Variants in DCBLD1 observed in about 807,000 individuals in gnomAD.
DCBLD1 encodes discoidin, CUB and LCCL domain containing 1.
In DCBLD1, 57 loss-of-function variants were observed where a neutral mutation model predicts 71.5. The observed-to-expected ratio is 0.80, with a 90% CI of 0.64 to 0.99. DCBLD1 has a LOEUF of 0.99. DCBLD1 is among the 50% of genes least tolerant of loss of function. DCBLD1 has a pLI of 0.00. For missense variants in DCBLD1, 891 were observed against 923.5 expected (o/e 0.96, Z 0.46); for synonymous variants, 380 against 363.8 (o/e 1.04, Z -0.51).
At chr6:117,566,909 A>G (rs761945259) in intron 14 of DCBLD1, 20 of 1,607,202 alleles carry the variant, frequency 1.2e-5, no homozygotes, top group Admixed American at 5.1e-5. Context: ...CAGGGTTACC[A>G]CCTCCTTCTA....
In DCBLD1 at chr6:117,511,672, A is replaced by T. The variant is rs116583008; in HGVS notation, c.325+7693A>T. Among the ~76,000 whole-genome samples the T allele has an allele frequency of 1.9e-3, 297 of 152,344 alleles. 1 individual carries two copies. The highest frequency in any genetic ancestry group is 6.5e-3 in the African/African-American group (272 of 41,578). Reference sequence around the variant, plus strand: ...TACATATCTGACATATTGCAATAAGATCTAATAATTACAACTTATCTGTTG... The same window carrying T: ...TACATATCTGACATATTGCAATAAGTTCTAATAATTACAACTTATCTGTTG... On this transcript the variant is annotated intron_variant, in intron 2 of 14. Coordinates refer to ENST00000338728, the MANE Select transcript of DCBLD1 (RefSeq NM_001366458.2).
chr6:117,486,425 A>G (rs1282103662), intron 1 of DCBLD1, among the ~76,000 whole-genome samples: 1 of 152,182 alleles, frequency 6.6e-6, no homozygotes, highest in Non-Finnish European at 1.5e-5. Flanking sequence ...CTATCTTAGT[A>G]TTCATTACTG....
intron 4 of DCBLD1, among the ~76,000 whole-genome samples, chr6:117,523,555 A>G (rs1778452234): frequency 6.6e-6 from 1 of 152,318 alleles, no homozygotes; most frequent in Non-Finnish European, 1.5e-5. Context: ...TCTAGAATCC[A>G]AGAAATTCTG....
Position 117,489,639 on chromosome 6 carries a change from C to T in DCBLD1, c.112+6746C>T, listed in dbSNP as rs559835359. Among the ~76,000 whole-genome samples the T allele has an allele frequency of 2.8e-4, 43 of 152,300 alleles. No homozygotes were observed. The South Asian group carries it at 3.9e-3, about 14-fold the overall frequency. On this transcript the variant is annotated intron_variant, in intron 1 of 14. Coordinates refer to ENST00000338728, the MANE Select transcript of DCBLD1 (RefSeq NM_001366458.2). ...GTGGCTCATGCCTGTAATCCCAGCACTTTGGGAGGCCGAGGCGGGTGGATC... is the reference window on the plus strand; with the variant it reads ...GTGGCTCATGCCTGTAATCCCAGCATTTTGGGAGGCCGAGGCGGGTGGATC...
At chr6:117,535,819 C>T (rs1778864208) in intron 6 of DCBLD1, among the ~76,000 whole-genome samples, 1 of 152,166 alleles carries the variant, frequency 6.6e-6, no homozygotes, top group Admixed American at 6.5e-5. Context: ...AATCTTAATA[C>T]AATTTTAATA....
At chr6:117,547,381 C>T (rs572013601) in intron 14 of DCBLD1, among the ~76,000 whole-genome samples, 2 of 152,204 alleles carry the variant, frequency 1.3e-5, no homozygotes, top group East Asian at 3.9e-4. Flanking sequence ...AGATTATTAA[C>T]ATCTTGCTAT....
chr6:117,510,026 C>T (rs1283635991), intron 2 of DCBLD1, among the ~76,000 whole-genome samples: 2 of 152,206 alleles, frequency 1.3e-5, no homozygotes, highest in Non-Finnish European at 2.9e-5. Context: ...TCACCAGTCT[C>T]AGTTCCTTCC....
chr6:117,555,495 T>G (rs1203214946), intron 14 of DCBLD1, among the ~76,000 whole-genome samples: 1 of 152,166 alleles, frequency 6.6e-6, no homozygotes, highest in Admixed American at 6.6e-5. Flanking sequence ...TGACACATCC[T>G]CAAATGTCAC....
intron 1 of DCBLD1, among the ~76,000 whole-genome samples, chr6:117,499,868 A>G (rs1284418472): frequency 6.6e-6 from 1 of 152,190 alleles, no homozygotes; most frequent in Non-Finnish European, 1.5e-5. Flanking sequence ...AAAATACAAA[A>G]TTAGCTGGGT....
chr6:117,486,648 C>G (rs1437685595), intron 1 of DCBLD1, among the ~76,000 whole-genome samples: 2 of 152,232 alleles, frequency 1.3e-5, no homozygotes, highest in Non-Finnish European at 2.9e-5. Flanking sequence ...CAAATATCCA[C>G]AAAGCTTGCT....
intron 1 of DCBLD1, among the ~76,000 whole-genome samples, chr6:117,498,502 C>T (rs1317062367): frequency 6.6e-6 from 1 of 152,148 alleles, no homozygotes; most frequent in African/African-American, 2.4e-5. Context: ...CTCTTCATTC[C>T]CCATTCCCCC....
At chr6:117,546,715 A>C (rs1779277535) in intron 14 of DCBLD1, among the ~76,000 whole-genome samples, 1 of 151,832 alleles carries the variant, frequency 6.6e-6, no homozygotes. Flanking sequence ...TCTCTCCCCT[A>C]AACAGTCCCA....
chr6:117,523,986 A>G (rs1028322128), intron 4 of DCBLD1, among the ~76,000 whole-genome samples: 1 of 152,106 alleles, frequency 6.6e-6, no homozygotes, highest in Admixed American at 6.5e-5. Context: ...AGCTGTCTTC[A>G]TATCTTGTTG....
At chr6:117,485,334 A>G (rs954686873) in intron 1 of DCBLD1, among the ~76,000 whole-genome samples, 3 of 152,218 alleles carry the variant, frequency 2.0e-5, no homozygotes, top group African/African-American at 4.8e-5. Flanking sequence ...CTCTGAGGAA[A>G]CTTCCAAGTG....
chr6:117,496,527 A>G (rs1582968984), intron 1 of DCBLD1, among the ~76,000 whole-genome samples: 2 of 152,208 alleles, frequency 1.3e-5, no homozygotes, highest in Admixed American at 6.5e-5. Flanking sequence ...AATAATTGCA[A>G]GCTCTCCTTT....
At chr6:117,526,424 A>T (rs1778549092) in intron 5 of DCBLD1, among the ~76,000 whole-genome samples, 1 of 152,156 alleles carries the variant, frequency 6.6e-6, no homozygotes, top group African/African-American at 2.4e-5. Context: ...AAAAGTTGAC[A>T]TTTTTTCCCA....
chr6:117,568,293 A>G (rs1012273087), intron 14 of DCBLD1, among the ~76,000 whole-genome samples: 3 of 152,232 alleles, frequency 2.0e-5, no homozygotes, highest in East Asian at 1.9e-4. Context: ...ACCACTACAT[A>G]TAAGTGTGGT....
intron 9 of DCBLD1, 42 bp downstream of exon 9, chr6:117,539,421 C>G (rs1779015314): frequency 6.4e-7 from 1 of 1,556,278 alleles, no homozygotes; most frequent in African/African-American, 1.4e-5. Context: ...AGTAGGAGAA[C>G]AGGCCTCTAT....
chr6:117,551,322 G>C (rs1280416019), downstream of DCBLD1, among the ~76,000 whole-genome samples: 2 of 151,898 alleles, frequency 1.3e-5, no homozygotes, highest in Non-Finnish European at 2.9e-5. Flanking sequence ...ATGCTCATTA[G>C]AGCTTCTCAT....
Sources: gnomAD v4.1 joint callset for allele counts (sites outside exome capture counted in the v4.1 genomes callset) on GRCh38, gnomAD v4.1.1 for gene constraint, MANE v1.5 for transcripts, NCBI Gene and HGNC (gene_info 2026-07-23, HGNC 2026-07-21) for gene names.